Variants in MGAT4D observed in about 807,000 individuals in gnomAD.
MGAT4D encodes the protein alpha-1,3-mannosyl-glycoprotein 4-beta-N-acetylglucosaminyltransferase-like protein MGAT4D.
Under a neutral mutation model 15.9 loss-of-function variants are expected in MGAT4D, and 34 were observed. That is an observed-to-expected ratio of 2.14 (90% confidence interval 1.62 to 2.84). The LOEUF is 2.84. MGAT4D is among the 30% of genes most tolerant of loss of function. The probability of loss-of-function intolerance (pLI) is 0.00; values close to 1 mark genes in which losing one functional copy is unlikely to be tolerated. For synonymous variants in MGAT4D, 112 were observed against 48.2 expected (o/e 2.33, Z -5.49); for missense variants, 327 against 140.2 (o/e 2.33, Z -6.73).
intron 5 of MGAT4D, among the ~76,000 whole-genome samples, chr4:140,468,231 C>A (rs550722729): frequency 2.0e-5 from 3 of 152,188 alleles, no homozygotes; most frequent in Admixed American, 2.0e-4. Context: ...ATTATCACCA[C>A]TAGAATCACT....
At chr4:140,461,886 C>CAT (rs1731203829) in intron 7 of MGAT4D, 43 bp downstream of exon 7, 1 of 502,896 alleles carries the variant, frequency 2.0e-6, no homozygotes, top group Non-Finnish European at 3.6e-6. Flanking sequence ...TGTATACACA[C>CAT]ACACACACAC....
At chr4:140,494,151 C>T (rs1244174158) in intron 1 of MGAT4D, among the ~76,000 whole-genome samples, 1 of 152,222 alleles carries the variant, frequency 6.6e-6, no homozygotes, top group East Asian at 1.9e-4. Context: ...CCATGGAAAA[C>T]AGGACACTAG....
intron 1 of MGAT4D, among the ~76,000 whole-genome samples, chr4:140,488,938 G>A (rs925463984): frequency 3.9e-5 from 6 of 152,098 alleles, no homozygotes; most frequent in Non-Finnish European, 8.8e-5. Context: ...AAAGCTCCCT[G>A]AGACCTTCCT....
chr4:140,466,606 A>G (rs1412972315), intron 5 of MGAT4D, among the ~76,000 whole-genome samples: 11 of 152,206 alleles, frequency 7.2e-5, no homozygotes, highest in Admixed American at 7.2e-4. Flanking sequence ...GTAATAAATT[A>G]GCTTAACAAT....
At chr4:140,496,215 T>C (rs1371923769) in intron 1 of MGAT4D, among the ~76,000 whole-genome samples, 1 of 152,236 alleles carries the variant, frequency 6.6e-6, no homozygotes, top group East Asian at 1.9e-4. Context: ...AAGTGAAGTA[T>C]GTGTTTTCTT....
Position 140,456,621 on chromosome 4 carries a change from G to GA in MGAT4D, c.975dup (p.Gln326SerfsTer6). ...TCTCCTGCGTCACACACCTTTACCTGAAAAATGTCATTCAAGAGCCAGTCT... is the reference window on the plus strand; with the variant it reads ...TCTCCTGCGTCACACACCTTTACCTGAAAAAATGTCATTCAAGAGCCAGTCT... On this transcript the variant is annotated frameshift_variant, in exon 9 of 11. Transcript: ENST00000511113. LOFTEE classifies it high-confidence loss of function. The GA allele has an allele frequency of 1.4e-6, 1 of 693,300 alleles. No homozygotes were observed. Among genetic ancestry groups the GA allele is most frequent in the South Asian group, 1.5e-5 (1 of 65,528 alleles). 42.9% of individuals were successfully genotyped at this position (693,300 alleles called of 1,614,324 possible).
chr4:140,492,665 T>G (rs1447759927), intron 1 of MGAT4D, among the ~76,000 whole-genome samples: 1 of 151,954 alleles, frequency 6.6e-6, no homozygotes, highest in Non-Finnish European at 1.5e-5. Context: ...AAGCCACTAG[T>G]GTTTGTGGAA....
At chr4:140,479,879 C>T (rs1018808050) in intron 2 of MGAT4D, among the ~76,000 whole-genome samples, 3 of 152,074 alleles carry the variant, frequency 2.0e-5, no homozygotes, top group Non-Finnish European at 4.4e-5. Flanking sequence ...GACAATGGAA[C>T]TGTCAGTTCC....
At chr4:140,447,939 A>G (rs1730236328) in intron 10 of MGAT4D, among the ~76,000 whole-genome samples, 1 of 152,090 alleles carries the variant, frequency 6.6e-6, no homozygotes, top group African/African-American at 2.4e-5. Flanking sequence ...TCTGAAAAGG[A>G]TCTTATTCCT....
chr4:140,476,360 C>T (rs961043670), intron 3 of MGAT4D, among the ~76,000 whole-genome samples: 1 of 152,070 alleles, frequency 6.6e-6, no homozygotes, highest in Non-Finnish European at 1.5e-5. Context: ...CATCCATTTT[C>T]TTTGTTGTTT....
At chr4:140,461,892 C>T (rs1184345937) in intron 7 of MGAT4D, 37 bp downstream of exon 7, 2 of 647,490 alleles carry the variant, frequency 3.1e-6, no homozygotes, top group African/African-American at 1.8e-5. Context: ...CACACACACA[C>T]ACACACACAC....
At chr4:140,480,003 TA>T (rs1480460107) in intron 2 of MGAT4D, among the ~76,000 whole-genome samples, 1 of 152,156 alleles carries the variant, frequency 6.6e-6, no homozygotes, top group Non-Finnish European at 1.5e-5. Flanking sequence ...CCCTAAAATT[TA>T]ATGACTATAT....
chr4:140,479,046 T>G (rs1385598558), intron 3 of MGAT4D, among the ~76,000 whole-genome samples: 1 of 152,154 alleles, frequency 6.6e-6, no homozygotes, highest in Non-Finnish European at 1.5e-5. Flanking sequence ...CTCCAAAGCT[T>G]CTTCTTGTCT....
chr4:140,477,389 G>A (rs1382451997), intron 3 of MGAT4D, among the ~76,000 whole-genome samples: 1 of 152,098 alleles, frequency 6.6e-6, no homozygotes, highest in Non-Finnish European at 1.5e-5. Context: ...ATATCCCAGG[G>A]CCTAAGAAGT....
Position 140,443,134 on chromosome 4 carries a change from T to C in MGAT4D, c.*302A>G, listed in dbSNP as rs17005918. The C allele has an allele frequency of 0.15, 26,371 of 170,276 alleles. 2,272 individuals carry two copies. Among genetic ancestry groups the C allele is most frequent in the South Asian group, 0.28 (1,415 of 5,010 alleles). 10.5% of individuals were successfully genotyped at this position (170,276 alleles called of 1,614,324 possible). A position where few individuals can be genotyped will look rare whatever the true frequency, so the allele number is the denominator to read the frequency against. On this transcript the variant is annotated 3_prime_UTR_variant, in exon 11 of 11. Transcript: ENST00000511113. ...TAGCAAGCTTTCGAACTTTTAACTGTTTATTGAGATTATGTGATGGTCTCA... is the reference window on the plus strand; with the variant it reads ...TAGCAAGCTTTCGAACTTTTAACTGCTTATTGAGATTATGTGATGGTCTCA...
intron 10 of MGAT4D, among the ~76,000 whole-genome samples, chr4:140,445,833 T>A (rs2126658103): frequency 6.6e-6 from 1 of 152,338 alleles, no homozygotes. Flanking sequence ...GAAGATCAGA[T>A]GGCTGTAGAT....
At chr4:140,488,562 G>T (rs1733293483) in intron 1 of MGAT4D, among the ~76,000 whole-genome samples, 1 of 152,202 alleles carries the variant, frequency 6.6e-6, no homozygotes, top group Non-Finnish European at 1.5e-5. Flanking sequence ...AGGTGGAGAA[G>T]GTTTCAGAGA....
At chr4:140,449,591 CT>C (rs1176934084) in intron 10 of MGAT4D, among the ~76,000 whole-genome samples, 2 of 152,076 alleles carry the variant, frequency 1.3e-5, no homozygotes. Context: ...AACCCCGTCT[CT>C]ACTAAAAATA....
chr4:140,487,397 G>T (rs1308744852), intron 1 of MGAT4D, among the ~76,000 whole-genome samples: 1 of 152,120 alleles, frequency 6.6e-6, no homozygotes, highest in African/African-American at 2.4e-5. Flanking sequence ...ACTGATTTGT[G>T]CCTCTCACAG....
Sources: gnomAD v4.1 joint callset for allele counts (sites outside exome capture counted in the v4.1 genomes callset) on GRCh38, gnomAD v4.1.1 for gene constraint, MANE v1.5 for transcripts, NCBI Gene and HGNC (gene_info 2026-07-23, HGNC 2026-07-21) for gene names.